CCDC171: variants seen among roughly 807,000 people sequenced by gnomAD.
The protein encoded by CCDC171 is coiled-coil domain-containing protein 171.
Under a neutral mutation model 168.2 loss-of-function variants are expected in CCDC171, and 177 were observed. That is an observed-to-expected ratio of 1.05 (90% CI 0.93 to 1.19). The LOEUF (loss-of-function observed/expected upper bound fraction) is 1.19, where lower values mean the gene tolerates loss of function less well. CCDC171 is among the 50% of genes most tolerant of loss of function. The probability of loss-of-function intolerance (pLI) is 0.00; values close to 1 mark genes in which losing one functional copy is unlikely to be tolerated. For synonymous variants in CCDC171, 687 were observed against 540.8 expected, an observed-to-expected ratio of 1.27 and a Z score of -3.75; for missense variants, 1,991 against 1,539.0, an observed-to-expected ratio of 1.29 and a Z score of -4.91.
At chr9:16,082,550 G>A in the CCDC171 span, among the ~76,000 whole-genome samples, 1 of 152,172 alleles carries the variant, frequency 6.6e-6, no homozygotes, top group Non-Finnish European at 1.5e-5. Context: ...GCAAAGAAGG[G>A]CTAATTCTTG....
chr9:15,723,630 A>G (rs1252632999), intron 12 of CCDC171, 51 bp from the exon 13 acceptor site: 6 of 1,383,028 alleles, frequency 4.3e-6, no homozygotes, highest in Non-Finnish European at 6.1e-6. Context: ...AAAATGTAAA[A>G]AAGTTACTTA....
chr9:16,083,703 C>G, the CCDC171 span, among the ~76,000 whole-genome samples: 1 of 152,168 alleles, frequency 6.6e-6, no homozygotes, highest in Admixed American at 6.5e-5. Flanking sequence ...GATGGAACCT[C>G]TTAGGTTCAG....
At chr9:15,624,631 G>A (rs199858645) in intron 7 of CCDC171, among the ~76,000 whole-genome samples, 2 of 152,070 alleles carry the variant, frequency 1.3e-5, no homozygotes, top group East Asian at 1.9e-4. Flanking sequence ...GTCCCTACAA[G>A]GGACATAAAC....
chr9:16,076,765 A>C, the CCDC171 span, among the ~76,000 whole-genome samples: 1 of 152,212 alleles, frequency 6.6e-6, no homozygotes, highest in South Asian at 2.1e-4. Flanking sequence ...TGACAAGTCC[A>C]CTCTGGTTAA....
chr9:15,657,378 G>A, intron 8 of CCDC171, 159 bp downstream of exon 8: 1 of 482,752 alleles, frequency 2.1e-6, no homozygotes, highest in South Asian at 2.6e-5. Flanking sequence ...ATACAGTTGA[G>A]ATATGCTACC....
At chr9:16,010,666 C>A (rs1832843993) in intron 3 of CCDC171, among the ~76,000 whole-genome samples, 1 of 151,834 alleles carries the variant, frequency 6.6e-6, no homozygotes, top group Non-Finnish European at 1.5e-5. Flanking sequence ...AATCCTAGCT[C>A]TATCCTTGGT....
At chr9:16,083,052 G>C in the CCDC171 span, among the ~76,000 whole-genome samples, 1 of 152,164 alleles carries the variant, frequency 6.6e-6, no homozygotes, top group South Asian at 2.1e-4. Flanking sequence ...TGAAATCACT[G>C]TGCACTCCCA....
At chr9:15,807,128 A>G (rs1000209427) in intron 21 of CCDC171, among the ~76,000 whole-genome samples, 2 of 152,074 alleles carry the variant, frequency 1.3e-5, no homozygotes, top group African/African-American at 4.8e-5. Context: ...GTTTTATCGC[A>G]GTTCTTAGTT....
chr9:15,841,034 C>T (rs2060657335), intron 21 of CCDC171, among the ~76,000 whole-genome samples: 1 of 151,894 alleles, frequency 6.6e-6, no homozygotes, highest in South Asian at 2.1e-4. Flanking sequence ...TTTTCAAAGG[C>T]ATATATGAGA....
intron 16 of CCDC171, among the ~76,000 whole-genome samples, chr9:15,739,734 AT>A (rs1388473505): frequency 5.8e-5 from 8 of 138,942 alleles, no homozygotes; most frequent in African/African-American, 2.0e-4. Context: ...TATTTATGTA[AT>A]ACCAATTTTT....
chr9:15,896,961 T>G (rs1250398816), intron 24 of CCDC171, among the ~76,000 whole-genome samples: 1 of 152,106 alleles, frequency 6.6e-6, no homozygotes, highest in Non-Finnish European at 1.5e-5. Flanking sequence ...GGTCATTTTT[T>G]TCTGTCAGAT....
intron 1 of CCDC171, among the ~76,000 whole-genome samples, chr9:15,555,968 A>T (rs923641717): frequency 3.3e-5 from 5 of 152,150 alleles, no homozygotes; most frequent in Admixed American, 6.6e-5. Flanking sequence ...TTTGCTCAGA[A>T]TGATGGTTTC....
At chr9:15,744,185 G>A (rs2055091544) in intron 16 of CCDC171, 88 bp from the exon 17 acceptor site, 3 of 1,084,166 alleles carry the variant, frequency 2.8e-6, no homozygotes, top group Non-Finnish European at 3.9e-6. Context: ...GTGGTTGTCA[G>A]CAAAAGTTTG....
rs34252519 is a variant in CCDC171, at chr9:15,664,567, T to TACACAC, written c.916-1579_916-1574dup. Among the ~76,000 whole-genome samples the TACACAC allele has an allele frequency of 7.2e-4, 104 of 144,086 alleles. 1 individual carries two copies. Among genetic ancestry groups the TACACAC allele is most frequent in the East Asian group, 3.1e-3 (15 of 4,824 alleles). The allele number at this position is 144,086 out of a possible 152,430, so 94.5% of individuals were successfully genotyped here. A position where few individuals can be genotyped will look rare whatever the true frequency, so the allele number is the denominator to read the frequency against. On this transcript the variant is annotated intron_variant, in intron 8 of 25. Transcript: ENST00000380701. ...CTTGGCCTGTAGGCCCTTAAATTTA[T>TACACAC]ACACACACACACACACACACACTCA...
chr9:15,673,393 A>G (rs1005034199), intron 9 of CCDC171, among the ~76,000 whole-genome samples: 6 of 151,616 alleles, frequency 4.0e-5, no homozygotes, highest in African/African-American at 1.5e-4. Flanking sequence ...ACTATGTTGA[A>G]TTAAGTGAGA....
intron 1 of CCDC171, among the ~76,000 whole-genome samples, chr9:15,557,012 G>T (rs980396060): frequency 1.4e-4 from 22 of 152,234 alleles, no homozygotes; most frequent in South Asian, 4.1e-4. Context: ...TTTCCCCATT[G>T]CTTGTTTTTG....
chr9:15,835,220 G>T (rs2060391838), intron 21 of CCDC171, among the ~76,000 whole-genome samples: 1 of 152,142 alleles, frequency 6.6e-6, no homozygotes, highest in African/African-American at 2.4e-5. Context: ...CCCCCTCAAA[G>T]AGTTGAATAA....
At chr9:16,043,054 A>G (rs1359630393) in intron 1 of CCDC171, 4 of 152,216 alleles carry the variant, frequency 2.6e-5, no homozygotes, top group African/African-American at 7.2e-5. Context: ...CAGGTATCAG[A>G]TGAGTGTTAA....
At chr9:15,751,206 G>A (rs2055716943) in intron 18 of CCDC171, among the ~76,000 whole-genome samples, 1 of 152,040 alleles carries the variant, frequency 6.6e-6, no homozygotes, top group African/African-American at 2.4e-5. Flanking sequence ...AAAATACCTA[G>A]GAATCCAACT....
Sources: gnomAD v4.1 joint callset for allele counts (sites outside exome capture counted in the v4.1 genomes callset) on GRCh38, gnomAD v4.1.1 for gene constraint, MANE v1.5 for transcripts, NCBI Gene and HGNC (gene_info 2026-07-23, HGNC 2026-07-21) for gene names.